KIF21A: variants seen among roughly 807,000 people sequenced by gnomAD.
The protein encoded by KIF21A is kinesin family member 21A.
Under a neutral mutation model 202.9 loss-of-function variants are expected in KIF21A, and 114 were observed. The observed-to-expected ratio is 0.56, with a 90% CI of 0.48 to 0.66. KIF21A has a LOEUF of 0.66. KIF21A is among the 30% of genes least tolerant of loss of function. KIF21A has a pLI of 0.00. For missense variants in KIF21A, 1,677 were observed against 1,994.9 expected, an observed-to-expected ratio of 0.84 and a Z score of 3.04; for synonymous variants, 667 against 670.8, an observed-to-expected ratio of 0.99 and a Z score of 0.09.
chr12:39,362,433 AT>A, intron 7 of KIF21A, among the ~76,000 whole-genome samples: 2 of 152,328 alleles, frequency 1.3e-5, no homozygotes, highest in East Asian at 3.9e-4. Context: ...CTATGATTGA[AT>A]TTAAATCCCA....
rs1948856710 is a variant in KIF21A at position 39,357,414 on chromosome 12, C to G, written c.1239G>C (p.Glu413Asp). ...YKTGKRIIDE[E>D]GVESINDMFH... ...ACATGTCATTGATGCTTTCCACACC[C>G]TCTTCGTCAATTATTCTTTTACCCT... Residue 413 changes from glutamate to aspartate, a missense_variant, in exon 9 of 38, where the codon GAG (glutamate) becomes GAC (aspartate). This residue lies in a region of KIF21A where 966 missense variants were observed against 1,180.9 expected (regional missense o/e 0.82). Coordinates refer to ENST00000361418, the MANE Select transcript of KIF21A (RefSeq NM_001173464.2). 2 of 1,614,014 alleles carry G rather than the reference C, an allele frequency of 1.2e-6. No individual in the cohort carries two copies. The highest frequency in any genetic ancestry group is 2.7e-5 in the African/African-American group (2 of 75,062).
At chr12:39,400,390 T>C (rs1457835671) in intron 1 of KIF21A, among the ~76,000 whole-genome samples, 1 of 152,142 alleles carries the variant, frequency 6.6e-6, no homozygotes, top group Admixed American at 6.6e-5. Flanking sequence ...ATCACCTAGG[T>C]ATTAAGCCCA....
intron 33 of KIF21A, among the ~76,000 whole-genome samples, chr12:39,308,313 G>C (rs899863025): frequency 4.0e-5 from 6 of 151,898 alleles, no homozygotes; most frequent in African/African-American, 1.5e-4. Flanking sequence ...ACTTGAACCT[G>C]GGAGGTGCGG....
Position 39,357,294 on chromosome 12 carries a change from A to G in KIF21A, c.1359T>C (p.Ile453=). 9 of 1,614,152 alleles carry G rather than the reference A, an allele frequency of 5.6e-6. No individual in the cohort carries two copies. Among genetic ancestry groups the G allele is most frequent in the Non-Finnish European group, 7.6e-6 (9 of 1,180,002 alleles). The change falls in exon 9 of 38, where the codon ATT becomes ATC. Residue 453 remains isoleucine, a synonymous_variant. Coordinates refer to ENST00000361418, the MANE Select transcript of KIF21A (RefSeq NM_001173464.2). Reference sequence around the variant, plus strand: ...TGGCCTGATCACTAACAAGCTGTGTAATTCTGGACCTCAATGCATCAACCG... The same window carrying G: ...TGGCCTGATCACTAACAAGCTGTGTGATTCTGGACCTCAATGCATCAACCG... The part of the protein sequence containing the change: ...QETVDALRSR[I]TQLVSDQANH...
chr12:39,427,061 C>T (rs1360063887), intron 1 of KIF21A, among the ~76,000 whole-genome samples: 2 of 151,848 alleles, frequency 1.3e-5, no homozygotes, highest in African/African-American at 4.8e-5. Flanking sequence ...ACATGCAAGG[C>T]TCTCCCAGCT....
At chr12:39,361,941 C>T (rs1226267861) in intron 7 of KIF21A, among the ~76,000 whole-genome samples, 1 of 152,098 alleles carries the variant, frequency 6.6e-6, no homozygotes, top group Non-Finnish European at 1.5e-5. Flanking sequence ...AAATTGTAAT[C>T]CCCAGTGTTG....
intron 26 of KIF21A, among the ~76,000 whole-genome samples, chr12:39,325,511 T>TTTTTA (rs1315351455): frequency 6.7e-6 from 1 of 148,466 alleles, no homozygotes; most frequent in African/African-American, 2.5e-5. Flanking sequence ...TTTTTTTTTT[T>TTTTTA]TTTTTGTATT....
In KIF21A at chr12:39,369,860, C is replaced by T; in HGVS notation, c.319G>A (p.Val107Ile). ...TMGTGFDVNIVEEELGIISRA... is the reference protein window; with the variant it reads ...TMGTGFDVNIIEEELGIISRA... ...GAAATAATACCCAGTTCTTCCTCAA[C>T]AATGTTAACATCAAATCCTGTTCCC... Residue 107 changes from valine to isoleucine, a missense_variant, in exon 3 of 38, where the codon GTT (valine) becomes ATT (isoleucine). Val to Ile is a conservative substitution (Grantham distance 29). Around this residue, in one of 3 missense-constraint regions of KIF21A, gnomAD observed 966 missense variants for 1,180.9 expected, o/e 0.82. Transcript: ENST00000361418. 1 of 1,613,530 alleles carries T rather than the reference C, an allele frequency of 6.2e-7. No individual in the cohort carries two copies. Among genetic ancestry groups the T allele is most frequent in the Non-Finnish European group, 8.5e-7 (1 of 1,179,656 alleles).
chr12:39,421,628 G>T (rs981123167), intron 1 of KIF21A, among the ~76,000 whole-genome samples: 2 of 151,398 alleles, frequency 1.3e-5, no homozygotes, highest in African/African-American at 4.8e-5. Context: ...AGGAGGTGGA[G>T]GTTGCAGTAG....
chr12:39,362,466 C>T (rs1294299969), intron 7 of KIF21A, among the ~76,000 whole-genome samples: 1 of 151,478 alleles, frequency 6.6e-6, no homozygotes, highest in Non-Finnish European at 1.5e-5. Flanking sequence ...ATTTGTAAAG[C>T]CAACATATTT....
chr12:39,375,300 C>G (rs549303056), intron 1 of KIF21A, among the ~76,000 whole-genome samples: 1 of 152,248 alleles, frequency 6.6e-6, no homozygotes, highest in Non-Finnish European at 1.5e-5. Context: ...TGAAACTTAG[C>G]AAAACTGAGT....
At chr12:39,396,481 G>A (rs1951767941) in intron 1 of KIF21A, among the ~76,000 whole-genome samples, 1 of 152,104 alleles carries the variant, frequency 6.6e-6, no homozygotes, top group Non-Finnish European at 1.5e-5. Context: ...TAAACAAAAC[G>A]TTATATTTTT....
At chr12:39,399,031 C>A (rs1055453806) in intron 1 of KIF21A, among the ~76,000 whole-genome samples, 1 of 152,036 alleles carries the variant, frequency 6.6e-6, no homozygotes, top group African/African-American at 2.4e-5. Flanking sequence ...CAAGACCAGC[C>A]TAGGCAACAC....
At chr12:39,295,951 G>A (rs1258299562) in intron 37 of KIF21A, among the ~76,000 whole-genome samples, 1 of 146,596 alleles carries the variant, frequency 6.8e-6, no homozygotes, top group Non-Finnish European at 1.5e-5. Flanking sequence ...GCCTGCCTCG[G>A]CCTCCCAAAG....
At chr12:39,299,505 G>C (rs1333128150) in intron 37 of KIF21A, among the ~76,000 whole-genome samples, 1 of 152,160 alleles carries the variant, frequency 6.6e-6, no homozygotes, top group East Asian at 1.9e-4. Context: ...TGGTTAGTAG[G>C]AGTGTAAATC....
At chr12:39,309,524 T>TAA (rs779661888) in intron 33 of KIF21A, 62 bp downstream of exon 33, 1,819 of 1,038,520 alleles carry the variant, frequency 1.8e-3, no homozygotes, top group Non-Finnish European at 2.0e-3. Context: ...CTTATATTTG[T>TAA]AAAAAAAAAA....
chr12:39,368,403 G>A (rs1949741218), intron 3 of KIF21A, among the ~76,000 whole-genome samples: 3 of 152,082 alleles, frequency 2.0e-5, no homozygotes, highest in African/African-American at 7.2e-5. Flanking sequence ...TTTACTACTT[G>A]AGCTAAAAAC....
intron 15 of KIF21A, among the ~76,000 whole-genome samples, chr12:39,340,652 G>A (rs138502427): frequency 4.0e-5 from 6 of 151,672 alleles, no homozygotes; most frequent in Admixed American, 1.3e-4. Flanking sequence ...GGCAGATATC[G>A]GTATGAAAAA....
chr12:39,300,699 A>G (rs1036688037), intron 37 of KIF21A, among the ~76,000 whole-genome samples: 1 of 152,112 alleles, frequency 6.6e-6, no homozygotes, highest in South Asian at 2.1e-4. Flanking sequence ...ATATATATGT[A>G]CTATATATAA....
Sources: gnomAD v4.1 joint callset for allele counts (sites outside exome capture counted in the v4.1 genomes callset) on GRCh38, gnomAD v4.1.1 for gene constraint, gnomAD v4.1.1 regional missense constraint, MANE v1.5 for transcripts, NCBI Gene and HGNC (gene_info 2026-07-23, HGNC 2026-07-21) for gene names.